Variants in WDR1 observed in about 807,000 individuals in gnomAD.
WDR1 encodes the protein WD repeat domain 1, also known as WD repeat-containing protein 1.
A neutral mutation model predicts 71.9 loss-of-function variants in WDR1; 21 were observed. The ratio of observed to expected loss-of-function variants is 0.29; its 90% CI spans 0.21 to 0.42. WDR1 has a LOEUF of 0.42. Among genes scored for constraint, WDR1 ranks in the 10% least tolerant of loss-of-function variants. WDR1 has a pLI of 1.00. For synonymous variants in WDR1, 424 were observed against 347.4 expected (o/e 1.22, Z -2.45); for missense variants, 696 against 824.5 (o/e 0.84, Z 1.91).
chr4:10,093,005 C>G (rs1712097818), intron 5 of WDR1: 1 of 1,249,840 alleles, frequency 8.0e-7, no homozygotes, highest in African/African-American at 1.5e-5. Flanking sequence ...CCCCTCCCCA[C>G]AGTCCTCACT....
At chr4:10,097,155 C>T (rs866525258) in intron 5 of WDR1, among the ~76,000 whole-genome samples, 1 of 152,370 alleles carries the variant, frequency 6.6e-6, no homozygotes, top group South Asian at 2.1e-4. Flanking sequence ...GTGCCTAAGG[C>T]GGGGCGCATG....
chr4:10,102,916 CAGTA>C (rs78362950), intron 3 of WDR1, among the ~76,000 whole-genome samples: 24,970 of 152,112 alleles, frequency 0.16, 2,537 homozygotes, highest in Middle Eastern at 0.24. Context: ...GCAAGGCAGG[CAGTA>C]AGTATCTGTT....
chr4:10,091,343 G>A (rs1446031667), intron 5 of WDR1, among the ~76,000 whole-genome samples: 3 of 152,234 alleles, frequency 2.0e-5, no homozygotes, highest in Non-Finnish European at 4.4e-5. Flanking sequence ...GTTGGGGAAA[G>A]CAGTTTCCCC....
chr4:10,089,634 C>A lies in WDR1; in HGVS notation c.559-893G>T, dbSNP rs930239754. ...TGCCCTCTTGCTGCCCACCTGCAGG[C>A]GGCGCTAACCCGGCAAATGCACATC... On this transcript the variant is annotated intron_variant, in intron 5 of 14. Transcript: ENST00000499869. Among the ~76,000 whole-genome samples, 2 of 152,358 alleles carry A rather than the reference C, an allele frequency of 1.3e-5. 1 individual carries two copies. Among genetic ancestry groups the A allele is most frequent in the East Asian group, 3.9e-4 (2 of 5,180 alleles).
At chr4:10,093,301 G>C in intron 5 of WDR1, 1 of 431,780 alleles carries the variant, frequency 2.3e-6, no homozygotes, top group Non-Finnish European at 4.1e-6. Flanking sequence ...AAGGGGACAG[G>C]CTCTCGGTCC....
At chr4:10,099,170 G>T (rs1215962665) in intron 3 of WDR1, 31 bp from the exon 4 acceptor site, 41 of 801,876 alleles carry the variant, frequency 5.1e-5, no homozygotes, top group Non-Finnish European at 5.9e-5. Flanking sequence ...GGGAGGGGGG[G>T]AGGCGGTGGT....
rs1182837827 is a variant in WDR1, at chr4:10,088,248, C to G, written c.717+45G>C. On this transcript the variant is annotated intron_variant, in intron 7 of 14. Coordinates refer to ENST00000499869, the MANE Select transcript of WDR1 (RefSeq NM_017491.5). Reference sequence around the variant, plus strand: ...GTGTGGATGGACTGACACGTGGACTCGGCCAAATTCCCACCACTAGGCCGG... The same window carrying G: ...GTGTGGATGGACTGACACGTGGACTGGGCCAAATTCCCACCACTAGGCCGG... The G allele has an allele frequency of 6.5e-6, 10 of 1,527,788 alleles. No individual in the cohort carries two copies. The Admixed American group carries it at 1.6e-4, about 24-fold the overall frequency. The allele number at this position is 1,527,788 out of a possible 1,614,324, so 94.6% of individuals were successfully genotyped here.
At position 10,078,909 on chromosome 4, in the gene WDR1, C is replaced by T. The variant is rs754699425; in HGVS notation, c.1377G>A (p.Thr459=). 1.4e-5 allele frequency: 23 copies of T among 1,612,400 alleles called. 1 individual carries two copies. In the South Asian group the frequency reaches 1.7e-4, roughly 12 times the overall value. ...GACTTACCACACCCCCAATTGCCACCGTGTCCCCGCCGGGGTGCACTGCCA... is the reference window on the plus strand; with the variant it reads ...GACTTACCACACCCCCAATTGCCACTGTGTCCCCGCCGGGGTGCACTGCCA... The part of the protein sequence containing the change: ...EVVAVHPGGD[T]VAIGGVDGNV... The change falls in exon 12 of 15, where the codon ACG becomes ACA. Residue 459 remains threonine (T), a synonymous_variant. Transcript: ENST00000499869.
chr4:10,077,053 T>C (rs1379774120), intron 14 of WDR1: 4 of 493,112 alleles, frequency 8.1e-6, no homozygotes, highest in Non-Finnish European at 1.4e-5. Flanking sequence ...GAAGTGAAGA[T>C]GTCAAAAGTG....
intron 3 of WDR1, 92 bp from the exon 4 acceptor site, chr4:10,099,231 G>T: frequency 9.1e-7 from 1 of 1,102,664 alleles, no homozygotes; most frequent in Non-Finnish European, 1.3e-6. Context: ...CCAGGGCCAC[G>T]TGGCCATAGG....
chr4:10,080,445 C>A (rs550099290), intron 11 of WDR1, among the ~76,000 whole-genome samples: 1 of 152,232 alleles, frequency 6.6e-6, no homozygotes, highest in African/African-American at 2.4e-5. Flanking sequence ...CACCTCCCCA[C>A]CCCCACTGGC....
At chr4:10,097,487 C>T (rs1300115037) in intron 5 of WDR1, among the ~76,000 whole-genome samples, 2 of 152,246 alleles carry the variant, frequency 1.3e-5, no homozygotes, top group African/African-American at 4.8e-5. Context: ...TAGGGCAGGG[C>T]CCTTCCTTGT....
intron 8 of WDR1, among the ~76,000 whole-genome samples, chr4:10,085,592 G>A (rs985390498): frequency 1.3e-5 from 2 of 152,224 alleles, no homozygotes; most frequent in African/African-American, 4.8e-5. Context: ...TCGGCAAGAG[G>A]CCAAGAGACT....
chr4:10,104,356 T>C (rs949550085), intron 2 of WDR1, among the ~76,000 whole-genome samples: 2 of 152,218 alleles, frequency 1.3e-5, no homozygotes, highest in African/African-American at 4.8e-5. Flanking sequence ...TGTGGGAAGC[T>C]GCATTCATTC....
rs1355949245 is a variant in WDR1, at chr4:10,074,516, G to A, written c.*862C>T. On this transcript the variant is annotated 3_prime_UTR_variant, in exon 15 of 15. Transcript: ENST00000499869. ...TACTTTTAATTTCTGCACTGAAAAA[G>A]AAAAGGAAGGTAAAAACAATGACAG... is the stretch of plus-strand genomic sequence containing the variant. 2 of 152,544 alleles carry A rather than the reference G, an allele frequency of 1.3e-5. No individual in the cohort carries two copies. Among genetic ancestry groups the A allele is most frequent in the African/African-American group, 4.8e-5 (2 of 41,406 alleles). The allele number at this position is 152,544 out of a possible 1,614,324, so 9.4% of individuals were successfully genotyped here.
chr4:10,107,710 CA>C (rs1713104761), intron 2 of WDR1, among the ~76,000 whole-genome samples: 1 of 152,184 alleles, frequency 6.6e-6, no homozygotes, highest in African/African-American at 2.4e-5. Flanking sequence ...AGACAAGCCC[CA>C]GAATTCTGCC....
chr4:10,112,950 C>T (rs191648576), intron 2 of WDR1, among the ~76,000 whole-genome samples: 1 of 152,348 alleles, frequency 6.6e-6, no homozygotes, highest in East Asian at 1.9e-4. Context: ...TAGCCTGCTG[C>T]TTGTTAGCTT....
At chr4:10,093,591 ACAAGGAC>A (rs1712148995) in intron 5 of WDR1, among the ~76,000 whole-genome samples, 1 of 152,222 alleles carries the variant, frequency 6.6e-6, no homozygotes, top group Non-Finnish European at 1.5e-5. Context: ...TCCCTGGAGA[ACAAGGAC>A]CATATGAAGG....
intron 2 of WDR1, among the ~76,000 whole-genome samples, chr4:10,114,303 G>A (rs1484341405): frequency 6.6e-6 from 1 of 152,234 alleles, no homozygotes; most frequent in Non-Finnish European, 1.5e-5. Context: ...CAGGCAGAAT[G>A]GGTTTCACAA....
Sources: allele counts gnomAD v4.1 joint callset (sites outside exome capture counted in the v4.1 genomes callset), GRCh38; gene constraint gnomAD v4.1.1; transcripts MANE v1.5; gene names NCBI Gene and HGNC (gene_info 2026-07-23, HGNC 2026-07-21).